Variants in CABP1 observed in about 807,000 individuals in gnomAD.
CABP1 encodes calcium-binding protein 1.
CABP1 carries 17 observed loss-of-function variants against 34.3 expected under a neutral mutation model. That is an observed-to-expected ratio of 0.50 (90% CI 0.34 to 0.74). The LOEUF (loss-of-function observed/expected upper bound fraction) is 0.74, where lower values mean the gene tolerates loss of function less well. CABP1 is among the 30% of genes least tolerant of loss of function. The pLI is 0.01. For synonymous variants in CABP1, 198 were observed against 229.2 expected, an observed-to-expected ratio of 0.86 and a Z score of 1.23; for missense variants, 373 against 511.1, an observed-to-expected ratio of 0.73 and a Z score of 2.61.
At position 120,660,894 on chromosome 12, in the gene CABP1, T is replaced by C. The variant is rs552129817; in HGVS notation, c.939+54T>C. On this transcript the variant is annotated intron_variant, in intron 4 of 5. Transcript: ENST00000316803. The surrounding 1 kb of genome is among the most constrained non-coding windows in gnomAD (Gnocchi z 5.0). ...GCGGCTATTGGAATCCTATCTGCAGTATAAATACTTCAAAAGAAGCCTGAG... is the reference window on the plus strand; with the variant it reads ...GCGGCTATTGGAATCCTATCTGCAGCATAAATACTTCAAAAGAAGCCTGAG... 136 of 1,431,480 alleles carry C rather than the reference T, an allele frequency of 9.5e-5. No homozygotes were observed. The East Asian group carries it at 3.1e-3, about 33-fold the overall frequency. 88.7% of individuals were successfully genotyped at this position (1,431,480 alleles called of 1,614,324 possible).
At chr12:120,653,629 G>A (rs1260412140) in intron 1 of CABP1, among the ~76,000 whole-genome samples, 1 of 152,142 alleles carries the variant, frequency 6.6e-6, no homozygotes, top group East Asian at 1.9e-4. Context: ...CTGCCTCCTG[G>A]GTTCAGTGAT....
At chr12:120,676,667 T>A in the CABP1 span, among the ~76,000 whole-genome samples, 2 of 152,222 alleles carry the variant, frequency 1.3e-5, no homozygotes, top group African/African-American at 4.8e-5. Flanking sequence ...CTTCAGGTGA[T>A]CCGCCTGCCT....
rs933946026 is a variant in CABP1, at chr12:120,650,345, G to T, written c.654+9006G>T. ...ATCAGCTCTCCAGGTGACTTTCCCT[G>T]TGCCCTGCACTCTCCCCTTCTGCTT... On this transcript the variant is annotated intron_variant, in intron 1 of 5. Coordinates refer to ENST00000316803, the MANE Select transcript of CABP1 (RefSeq NM_001033677.2). 6.4e-6 allele frequency: 4 copies of T among 627,404 alleles called. No individual in the cohort carries two copies. The African/African-American group carries it at 7.4e-5, about 12-fold the overall frequency. The allele number at this position is 627,404 out of a possible 1,614,324, so 38.9% of individuals were successfully genotyped here. A position where few individuals can be genotyped will look rare whatever the true frequency, so the allele number is the denominator to read the frequency against.
chr12:120,680,369 G>A, the CABP1 span, among the ~76,000 whole-genome samples: 20,477 of 152,148 alleles, frequency 0.13, 2,858 homozygotes, highest in African/African-American at 0.36. Flanking sequence ...GGAAGGAACT[G>A]AACCCAGCTC....
intron 1 of CABP1, among the ~76,000 whole-genome samples, chr12:120,642,664 T>A (rs941064679): frequency 2.6e-5 from 4 of 152,098 alleles, no homozygotes; most frequent in African/African-American, 7.2e-5. Context: ...TTCACTGCAG[T>A]GCTTTGTGTT....
At chr12:120,659,733 C>G in intron 1 of CABP1, 145 bp from the exon 2 acceptor site, 1 of 666,200 alleles carries the variant, frequency 1.5e-6, no homozygotes, top group Non-Finnish European at 2.6e-6. Flanking sequence ...CTTCTCCCCT[C>G]AAGGACCTGA....
chr12:120,667,079 C>G lies in CABP1; in HGVS notation c.*179C>G. 1 of 658,278 alleles carries G rather than the reference C, an allele frequency of 1.5e-6. No homozygotes were observed. Among genetic ancestry groups the G allele is most frequent in the Non-Finnish European group, 2.5e-6 (1 of 401,968 alleles). 40.8% of individuals were successfully genotyped at this position (658,278 alleles called of 1,614,324 possible). ...ACCCCTCCGCACTGTGAAAGACTAA[C>G]TCCTGCAACTGGAAAGCGGGGGCGC... On this transcript the variant is annotated 3_prime_UTR_variant, in exon 6 of 6. Transcript: ENST00000316803.
chr12:120,654,261 C>G (rs1880025962), intron 1 of CABP1, among the ~76,000 whole-genome samples: 1 of 152,178 alleles, frequency 6.6e-6, no homozygotes, highest in Admixed American at 6.5e-5. Flanking sequence ...GTAGCTGCTT[C>G]CTCTTTGAGG....
chr12:120,640,850 C>T lies in CABP1; in HGVS notation c.165C>T (p.Pro55=). The change falls in exon 1 of 6, where the codon CCC becomes CCT. Residue 55 remains proline (P), a synonymous_variant. Coordinates refer to ENST00000316803, the MANE Select transcript of CABP1 (RefSeq NM_001033677.2). The surrounding 1 kb of genome is among the most constrained non-coding windows in gnomAD (Gnocchi z 6.2). ...CGCCGGGCCATGCGAGCGCGGGCCC[C>T]GCCGCGATGAGCTCGCACATCGCCA... ...PPPPGHASAG[P]AAMSSHIAKS... The T allele has an allele frequency of 9.3e-7, 1 of 1,072,994 alleles. No homozygotes were observed. The highest frequency in any genetic ancestry group is 1.1e-6 in the Non-Finnish European group (1 of 888,098). 66.5% of individuals were successfully genotyped at this position (1,072,994 alleles called of 1,614,324 possible).
the CABP1 span, among the ~76,000 whole-genome samples, chr12:120,680,385 G>A: frequency 6.6e-6 from 1 of 152,176 alleles, no homozygotes; most frequent in Non-Finnish European, 1.5e-5. Context: ...AGCTCTGTCT[G>A]ACCCCCAAAT....
At chr12:120,656,198 T>C (rs752352081) in intron 1 of CABP1, 2 of 1,610,836 alleles carry the variant, frequency 1.2e-6, no homozygotes, top group East Asian at 4.5e-5. Flanking sequence ...GGCCCAGAAC[T>C]GCGCAGTCAT....
downstream of CABP1, among the ~76,000 whole-genome samples, chr12:120,669,422 C>T (rs371674469): frequency 8.5e-5 from 13 of 152,174 alleles, no homozygotes; most frequent in East Asian, 1.9e-4. Context: ...GGGCAACCTG[C>T]GGGAAGAGGG....
chr12:120,674,853 T>C, the CABP1 span, among the ~76,000 whole-genome samples: 1 of 150,774 alleles, frequency 6.6e-6, no homozygotes, highest in Non-Finnish European at 1.5e-5. Flanking sequence ...ATCCCGCCAC[T>C]GTGCTCCAGC....
In CABP1 at chr12:120,667,224, A is replaced by T. The variant is rs944976182; in HGVS notation, c.*324A>T. 11 of 493,402 alleles carry T rather than the reference A, an allele frequency of 2.2e-5. No homozygotes were observed. The highest frequency in any genetic ancestry group is 4.0e-5 in the Non-Finnish European group (11 of 272,176). 30.6% of individuals were successfully genotyped at this position (493,402 alleles called of 1,614,324 possible). On this transcript the variant is annotated 3_prime_UTR_variant, in exon 6 of 6. Coordinates refer to ENST00000316803, the MANE Select transcript of CABP1 (RefSeq NM_001033677.2). The stretch of plus-strand genomic sequence containing the variant: ...AGCCCGCCAGCAGACCCCACACAGC[A>T]TGTCCGCCCCAGGGCAAAGCCTCCC...
At chr12:120,647,588 G>A (rs1333072687) in intron 1 of CABP1, among the ~76,000 whole-genome samples, 1 of 101,846 alleles carries the variant, frequency 9.8e-6, no homozygotes, top group Non-Finnish European at 1.9e-5. Flanking sequence ...TTTTTTTTGA[G>A]ATGAAGTCTC....
intron 1 of CABP1, among the ~76,000 whole-genome samples, chr12:120,643,570 A>C (rs745444454): frequency 9.8e-4 from 150 of 152,326 alleles, no homozygotes; most frequent in Non-Finnish European, 1.3e-3. Context: ...TGAATTGCTT[A>C]ACCTCATTAA....
chr12:120,660,365 G>C lies in CABP1; in HGVS notation c.829+26G>C. ...GTGAGTCCCTCTACCAGGCATCTGC[G>C]TCCCTTCGGTCCTCACCCTTGCCGT... On this transcript the variant is annotated intron_variant, in intron 3 of 5. Coordinates refer to ENST00000316803, the MANE Select transcript of CABP1 (RefSeq NM_001033677.2). The surrounding 1 kb of genome is among the most constrained non-coding windows in gnomAD (Gnocchi z 5.0). 6.2e-7 allele frequency: 1 copy of C among 1,605,306 alleles called. No homozygotes were observed. Among genetic ancestry groups the C allele is most frequent in the Non-Finnish European group, 8.5e-7 (1 of 1,177,152 alleles).
the CABP1 span, among the ~76,000 whole-genome samples, chr12:120,675,803 C>G: frequency 1.3e-5 from 2 of 152,308 alleles, no homozygotes; most frequent in Non-Finnish European, 2.9e-5. Context: ...CAGGCAGGCA[C>G]AGTGGCTCAC....
Position 120,648,345 on chromosome 12 carries a change from C to T in CABP1, c.654+7006C>T, listed in dbSNP as rs182262478. On this transcript the variant is annotated intron_variant, in intron 1 of 5. Coordinates refer to ENST00000316803, the MANE Select transcript of CABP1 (RefSeq NM_001033677.2). ...TCCTGCCCACCTGCTAGAATGTAAGCGTCCTGAAATCAGGAACTGTGTTTC... is the reference window on the plus strand; with the variant it reads ...TCCTGCCCACCTGCTAGAATGTAAGTGTCCTGAAATCAGGAACTGTGTTTC... Among the ~76,000 whole-genome samples the T allele has an allele frequency of 1.1e-3, 161 of 152,314 alleles. 5 individuals are homozygous for T. Among genetic ancestry groups the T allele is most frequent in the Non-Finnish European group, 1.9e-4 (13 of 68,028 alleles).
Sources: gnomAD v4.1 joint callset for allele counts (sites outside exome capture counted in the v4.1 genomes callset) on GRCh38, gnomAD v4.1.1 for gene constraint, Gnocchi (gnomAD v3.1) non-coding constraint, MANE v1.5 for transcripts, NCBI Gene and HGNC (gene_info 2026-07-23, HGNC 2026-07-21) for gene names.